SUCLA2: variants seen among roughly 807,000 people sequenced by gnomAD.
SUCLA2 encodes succinate--CoA ligase [ADP-forming] subunit beta, mitochondrial.
A neutral mutation model predicts 54.8 loss-of-function variants in SUCLA2; 30 were observed. The observed-to-expected ratio is 0.55, with a 90% CI of 0.41 to 0.74. SUCLA2 has a LOEUF of 0.74. SUCLA2 is among the 30% of genes least tolerant of loss of function. The probability of loss-of-function intolerance (pLI) is 0.00; values close to 1 mark genes in which losing one functional copy is unlikely to be tolerated. For missense variants in SUCLA2, 476 were observed against 562.9 expected (o/e 0.85, Z 1.56); for synonymous variants, 172 against 188.9 (o/e 0.91, Z 0.74).
At chr13:47,988,338 T>C in intron 4 of SUCLA2, 1 of 568,554 alleles carries the variant, frequency 1.8e-6, no homozygotes, top group East Asian at 3.0e-5. Context: ...TTCCTATAAT[T>C]TTAAGATCAT....
intron 2 of SUCLA2, 101 bp from the exon 3 acceptor site, chr13:47,989,082 A>G: frequency 1.7e-6 from 2 of 1,173,830 alleles, no homozygotes; most frequent in African/African-American, 1.5e-5. Flanking sequence ...TATTAAATCA[A>G]GTCTAATTTA....
intron 2 of SUCLA2, 125 bp downstream of exon 2, chr13:47,996,718 T>A (rs957108700): frequency 2.4e-6 from 2 of 835,804 alleles, no homozygotes; most frequent in African/African-American, 3.5e-5. Flanking sequence ...CTACCTTCTA[T>A]TTTAAGCAAA....
chr13:48,001,257 T>C lies in SUCLA2; in HGVS notation c.13A>G (p.Met5Val), dbSNP rs1031739823. The change falls in exon 1 of 11, where the codon ATG becomes GTG. Residue 5 changes from methionine to valine, a missense_variant. Met to Val is a conservative substitution (Grantham distance 21). Transcript: ENST00000646932. ...ACGGCCACTAGCCTGCCGTAGAACATGGAGGCCGCCATTTCTGAGTCGGAC... is the reference window on the plus strand; with the variant it reads ...ACGGCCACTAGCCTGCCGTAGAACACGGAGGCCGCCATTTCTGAGTCGGAC... MAAS[M>V]FYGRLVAVAT... is the part of the protein sequence containing the mutation. 6 of 1,603,450 alleles carry C rather than the reference T, an allele frequency of 3.7e-6. No homozygotes were observed. Among genetic ancestry groups the C allele is most frequent in the Non-Finnish European group, 5.1e-6 (6 of 1,175,766 alleles).
intron 4 of SUCLA2, chr13:47,987,660 T>C (rs538257803): frequency 1.3e-5 from 2 of 152,232 alleles, no homozygotes; most frequent in East Asian, 1.9e-4. Flanking sequence ...ATAGATTTAA[T>C]TGTAAATAAG....
At chr13:47,952,262 A>G (rs760240601) in intron 8 of SUCLA2, among the ~76,000 whole-genome samples, 1 of 152,012 alleles carries the variant, frequency 6.6e-6, no homozygotes, top group Non-Finnish European at 1.5e-5. Context: ...TATCTCTGTC[A>G]TTTGTTCTCT....
chr13:47,953,869 C>T (rs931510889), intron 8 of SUCLA2, among the ~76,000 whole-genome samples: 2 of 151,960 alleles, frequency 1.3e-5, no homozygotes, highest in African/African-American at 4.8e-5. Context: ...CTTCACATCC[C>T]TTATACTTTG....
At chr13:47,944,363 C>T (rs1297474126) in intron 10 of SUCLA2, among the ~76,000 whole-genome samples, 1 of 152,138 alleles carries the variant, frequency 6.6e-6, no homozygotes, top group Admixed American at 6.6e-5. Flanking sequence ...CTTCTATAAT[C>T]TCCCAGTCAA....
chr13:47,988,852 G>A (rs746829571), intron 3 of SUCLA2, 30 bp downstream of exon 3: 5 of 1,596,522 alleles, frequency 3.1e-6, no homozygotes, highest in East Asian at 2.2e-5. Context: ...CTTTAACAAG[G>A]ATGATTTTTC....
chr13:47,974,209 T>C (rs753072635), intron 4 of SUCLA2, among the ~76,000 whole-genome samples: 2 of 152,054 alleles, frequency 1.3e-5, no homozygotes, highest in Admixed American at 6.5e-5. Flanking sequence ...GCATAAACAC[T>C]AGAAAATCCT....
At chr13:47,985,568 C>T (rs1451882895) in intron 4 of SUCLA2, among the ~76,000 whole-genome samples, 1 of 152,188 alleles carries the variant, frequency 6.6e-6, no homozygotes, top group Non-Finnish European at 1.5e-5. Context: ...GACATAATCT[C>T]ATTCCTTTTT....
At chr13:47,994,386 G>A (rs1283836626) in intron 2 of SUCLA2, among the ~76,000 whole-genome samples, 3 of 151,920 alleles carry the variant, frequency 2.0e-5, no homozygotes, top group Non-Finnish European at 4.4e-5. Context: ...TGACCAACAT[G>A]GTGAAACCCC....
intron 1 of SUCLA2, among the ~76,000 whole-genome samples, chr13:47,997,313 C>A (rs1224835599): frequency 6.6e-6 from 1 of 152,156 alleles, no homozygotes; most frequent in East Asian, 1.9e-4. Context: ...ATGCCAAATT[C>A]AGCGGATCTA....
intron 1 of SUCLA2, among the ~76,000 whole-genome samples, chr13:48,000,393 G>A (rs1950221029): frequency 6.6e-6 from 1 of 152,124 alleles, no homozygotes; most frequent in African/African-American, 2.4e-5. Flanking sequence ...CCTCCTATAT[G>A]ACCTAGTCCA....
chr13:47,968,491 T>C lies in SUCLA2; in HGVS notation c.802+104A>G, dbSNP rs41284203. ...GATTTTTTTTTAAAAAGCTTCTACA[T>C]AGGTAGAAGTTTAACTACTTTAACT... On this transcript the variant is annotated intron_variant, in intron 6 of 10. Transcript: ENST00000646932. 5.4e-3 allele frequency: 7,213 copies of C among 1,329,966 alleles called. 33 individuals carry two copies. Among genetic ancestry groups the C allele is most frequent in the Middle Eastern group, 8.4e-3 (32 of 3,790 alleles). 82.4% of individuals were successfully genotyped at this position (1,329,966 alleles called of 1,614,324 possible).
chr13:47,964,780 C>A (rs1949904251), intron 6 of SUCLA2, among the ~76,000 whole-genome samples: 1 of 152,006 alleles, frequency 6.6e-6, no homozygotes, highest in Admixed American at 6.6e-5. Context: ...CGGCATGAAC[C>A]TGGGAGGCGG....
intron 6 of SUCLA2, among the ~76,000 whole-genome samples, chr13:47,956,159 A>T (rs969294305): frequency 1.1e-4 from 17 of 152,224 alleles, no homozygotes; most frequent in Non-Finnish European, 1.9e-4. Flanking sequence ...TTTTTAAAAC[A>T]TGTTTAAGGA....
chr13:47,988,043 T>C (rs1200356582), intron 4 of SUCLA2: 1 of 156,324 alleles, frequency 6.4e-6, no homozygotes, highest in African/African-American at 2.4e-5. Flanking sequence ...AACCATATTG[T>C]TTGCTACTTA....
intron 10 of SUCLA2, among the ~76,000 whole-genome samples, chr13:47,947,479 C>T (rs1049478959): frequency 6.6e-6 from 1 of 152,090 alleles, no homozygotes; most frequent in East Asian, 1.9e-4. Context: ...AAATGGTTGA[C>T]ACGTGGAAGT....
At chr13:47,964,594 A>C (rs1029567278) in intron 6 of SUCLA2, among the ~76,000 whole-genome samples, 3 of 152,162 alleles carry the variant, frequency 2.0e-5, no homozygotes, top group Non-Finnish European at 4.4e-5. Flanking sequence ...GTGGTGGCTC[A>C]AGCCTGTAAT....
Sources: allele counts gnomAD v4.1 joint callset (sites outside exome capture counted in the v4.1 genomes callset), GRCh38; gene constraint gnomAD v4.1.1; transcripts MANE v1.5; gene names NCBI Gene and HGNC (gene_info 2026-07-23, HGNC 2026-07-21).